Variants in FAM13A observed in about 807,000 individuals in gnomAD.
The protein encoded by FAM13A is family with sequence similarity 13 member A.
A neutral mutation model predicts 129.6 loss-of-function variants in FAM13A; 76 were observed. The ratio of observed to expected loss-of-function variants is 0.59; its 90% CI spans 0.49 to 0.71. The LOEUF is 0.71. FAM13A is among the 30% of genes least tolerant of loss of function. The pLI is 0.00. For missense variants in FAM13A, 1,108 were observed against 1,249.3 expected, an observed-to-expected ratio of 0.89 and a Z score of 1.70; for synonymous variants, 443 against 449.9, an observed-to-expected ratio of 0.98 and a Z score of 0.20.
chr4:88,899,095 T>C (rs1746826582), intron 6 of FAM13A, among the ~76,000 whole-genome samples: 1 of 148,650 alleles, frequency 6.7e-6, no homozygotes, highest in South Asian at 2.1e-4. Flanking sequence ...TGTGTATGTA[T>C]ATATACACAC....
At chr4:89,020,158 G>A (rs1767050241) in intron 3 of FAM13A, among the ~76,000 whole-genome samples, 1 of 152,044 alleles carries the variant, frequency 6.6e-6, no homozygotes, top group Non-Finnish European at 1.5e-5. Flanking sequence ...CATAGGGGAT[G>A]AGGGCCTGGA....
chr4:88,752,883 G>T (rs1318146815), intron 14 of FAM13A, among the ~76,000 whole-genome samples: 1 of 152,234 alleles, frequency 6.6e-6, no homozygotes, highest in Non-Finnish European at 1.5e-5. Flanking sequence ...CCCCAGGAGA[G>T]GGAAAGGGTT....
chr4:89,000,561 C>T (rs372050946), intron 3 of FAM13A, among the ~76,000 whole-genome samples: 7 of 152,206 alleles, frequency 4.6e-5, no homozygotes, highest in East Asian at 1.9e-4. Context: ...AATGGGCATA[C>T]GGTTTCTTTC....
chr4:88,877,209 G>T (rs1742683836), intron 6 of FAM13A, among the ~76,000 whole-genome samples: 1 of 152,166 alleles, frequency 6.6e-6, no homozygotes, highest in South Asian at 2.1e-4. Flanking sequence ...TTTAGTGGCA[G>T]AGTAAATTTT....
intron 7 of FAM13A, among the ~76,000 whole-genome samples, chr4:88,820,575 G>A (rs922317887): frequency 1.3e-5 from 2 of 152,218 alleles, no homozygotes; most frequent in African/African-American, 4.8e-5. Context: ...GCTATTTGGA[G>A]ATGTTGAGTA....
intron 4 of FAM13A, among the ~76,000 whole-genome samples, chr4:88,955,300 C>G (rs953127000): frequency 5.3e-5 from 8 of 151,722 alleles, no homozygotes; most frequent in Middle Eastern, 3.4e-3. Context: ...CTATTAACCT[C>G]AAATTAAATT....
At chr4:88,867,970 T>A (rs2150064828) in intron 6 of FAM13A, among the ~76,000 whole-genome samples, 1 of 152,274 alleles carries the variant, frequency 6.6e-6, no homozygotes, top group South Asian at 2.1e-4. Context: ...ATAATTACAT[T>A]TTATTGTACT....
At chr4:88,874,036 A>G (rs1423377498) in intron 6 of FAM13A, among the ~76,000 whole-genome samples, 3 of 152,152 alleles carry the variant, frequency 2.0e-5, no homozygotes, top group Non-Finnish European at 4.4e-5. Context: ...CAAAGACAAA[A>G]CCACATGATT....
At chr4:88,810,054 C>T (rs1404000904) in intron 7 of FAM13A, among the ~76,000 whole-genome samples, 1 of 151,972 alleles carries the variant, frequency 6.6e-6, no homozygotes, top group Non-Finnish European at 1.5e-5. Flanking sequence ...AGTAGAAATA[C>T]AAATTATTGC....
intron 7 of FAM13A, chr4:88,823,250 C>A: frequency 7.7e-7 from 1 of 1,293,370 alleles, no homozygotes; most frequent in Non-Finnish European, 9.8e-7. Flanking sequence ...TCCACTTTGA[C>A]CTTTTGTTCC....
chr4:88,758,623 T>G, intron 14 of FAM13A, 131 bp downstream of exon 14: 1 of 912,886 alleles, frequency 1.1e-6, no homozygotes, highest in Non-Finnish European at 1.6e-6. Context: ...TTTTCGGTCA[T>G]TTGGAAATGC....
rs559298024 is a variant in FAM13A, at chr4:88,852,319, G to C, written c.844-1136C>G. Among the ~76,000 whole-genome samples the C allele has an allele frequency of 5.9e-5, 9 of 152,038 alleles. 1 individual carries two copies. Among genetic ancestry groups the C allele is most frequent in the Non-Finnish European group, 1.3e-4 (9 of 68,008 alleles). ...TGGGATTACAGGCATGCACCAACAA[G>C]TCAGGGTAATTTTTGTATTTTTTGT... On this transcript the variant is annotated intron_variant, in intron 6 of 23. Transcript: ENST00000264344.
chr4:88,757,660 G>A (rs894345414), intron 14 of FAM13A, among the ~76,000 whole-genome samples: 1 of 152,090 alleles, frequency 6.6e-6, no homozygotes, highest in Admixed American at 6.6e-5. Context: ...AAAATAACTA[G>A]AACAGGTTTC....
chr4:88,731,648 A>G, intron 22 of FAM13A: 1 of 549,396 alleles, frequency 1.8e-6, no homozygotes, highest in South Asian at 2.6e-5. Flanking sequence ...CTACTTGGGA[A>G]TTCTTAGCCC....
intron 6 of FAM13A, among the ~76,000 whole-genome samples, chr4:88,879,323 T>C (rs1201051382): frequency 6.6e-6 from 1 of 152,150 alleles, no homozygotes; most frequent in Non-Finnish European, 1.5e-5. Flanking sequence ...ACAAAAACTC[T>C]GCAAAGCAGG....
rs566243337 is a variant in FAM13A, at chr4:88,753,987, T to C, written c.1727-3350A>G. On this transcript the variant is annotated intron_variant, in intron 14 of 23. Coordinates refer to ENST00000264344, the MANE Select transcript of FAM13A (RefSeq NM_014883.4). ...AGCAATTCTAGAGCAAGGAGAGAGA[T>C]AGGAATGTTGCAAGAAAATTATTTA... Among the ~76,000 whole-genome samples the C allele has an allele frequency of 5.3e-5, 8 of 152,266 alleles. No homozygotes were observed. The East Asian group carries it at 1.2e-3, about 22-fold the overall frequency.
chr4:88,795,607 C>CT (rs980616623), intron 8 of FAM13A, among the ~76,000 whole-genome samples: 1 of 151,802 alleles, frequency 6.6e-6, no homozygotes, highest in Non-Finnish European at 1.5e-5. Context: ...ATTTAAGTAT[C>CT]TAAGTTTACA....
chr4:88,875,466 C>T (rs936833250), intron 6 of FAM13A, among the ~76,000 whole-genome samples: 1 of 152,136 alleles, frequency 6.6e-6, no homozygotes, highest in African/African-American at 2.4e-5. Flanking sequence ...ACAACCCCAT[C>T]AAAAAGTGGG....
intron 7 of FAM13A, among the ~76,000 whole-genome samples, chr4:88,834,167 C>T (rs1348262869): frequency 6.7e-6 from 1 of 148,262 alleles, no homozygotes. Flanking sequence ...CTGCCTCAGC[C>T]TCCCAAAGTG....
Sources: gnomAD v4.1 joint callset for allele counts (sites outside exome capture counted in the v4.1 genomes callset) on GRCh38, gnomAD v4.1.1 for gene constraint, MANE v1.5 for transcripts, NCBI Gene and HGNC (gene_info 2026-07-23, HGNC 2026-07-21) for gene names.